Variants in GALNT17 observed in about 807,000 individuals in gnomAD.
The protein encoded by GALNT17 is polypeptide N-acetylgalactosaminyltransferase 17.
A neutral mutation model predicts 63.7 loss-of-function variants in GALNT17; 29 were observed. The ratio of observed to expected loss-of-function variants is 0.46; its 90% CI spans 0.34 to 0.62. GALNT17 has a LOEUF of 0.62. Among genes scored for constraint, GALNT17 ranks in the 20% least tolerant of loss-of-function variants. The pLI, the probability that GALNT17 is intolerant of heterozygous loss-of-function variation, is 0.01. For synonymous variants in GALNT17, 305 were observed against 318.3 expected (o/e 0.96, Z 0.45); for missense variants, 603 against 799.6 (o/e 0.75, Z 2.97).
intron 9 of GALNT17, among the ~76,000 whole-genome samples, chr7:71,685,916 T>G (rs1791347629): frequency 1.1e-3 from 3 of 2,612 alleles, no homozygotes; most frequent in South Asian, 0.2. Flanking sequence ...GTTCTTGGGT[T>G]TTTTTTTTTT....
At chr7:71,217,462 C>G (rs186310878) in intron 1 of GALNT17, among the ~76,000 whole-genome samples, 2 of 152,184 alleles carry the variant, frequency 1.3e-5, no homozygotes. Context: ...ATTTTCTTCT[C>G]TTAATCAGAC....
intron 5 of GALNT17, among the ~76,000 whole-genome samples, chr7:71,440,431 A>G (rs973952475): frequency 5.4e-5 from 8 of 147,088 alleles, no homozygotes; most frequent in African/African-American, 7.6e-5. Flanking sequence ...CTAGAGTGCA[A>G]TGGCACGATC....
At chr7:71,526,109 C>T (rs780274805) in intron 5 of GALNT17, among the ~76,000 whole-genome samples, 1 of 152,136 alleles carries the variant, frequency 6.6e-6, no homozygotes, top group Non-Finnish European at 1.5e-5. Context: ...TTAGACTTAA[C>T]TGTTAGAGAT....
At chr7:71,578,357 C>T (rs1221164967) in intron 6 of GALNT17, among the ~76,000 whole-genome samples, 1 of 151,968 alleles carries the variant, frequency 6.6e-6, no homozygotes, top group Non-Finnish European at 1.5e-5. Flanking sequence ...TATATATAGA[C>T]AAATTCTCAC....
At chr7:71,669,136 G>A (rs1392107383) in intron 7 of GALNT17, among the ~76,000 whole-genome samples, 45 of 152,244 alleles carry the variant, frequency 3.0e-4, no homozygotes, top group Non-Finnish European at 1.5e-5. Flanking sequence ...GACCTGTCTG[G>A]GACCTTTATT....
chr7:71,644,156 A>G (rs1790641514), intron 6 of GALNT17, among the ~76,000 whole-genome samples: 1 of 152,090 alleles, frequency 6.6e-6, no homozygotes, highest in Non-Finnish European at 1.5e-5. Flanking sequence ...TAATCCCAGC[A>G]CTTTGAGAAG....
intron 2 of GALNT17, among the ~76,000 whole-genome samples, chr7:71,344,557 C>CT (rs1011104046): frequency 2.0e-5 from 3 of 151,682 alleles, no homozygotes; most frequent in Admixed American, 6.6e-5. Flanking sequence ...ATTATAATTT[C>CT]TTTTTTTTAA....
rs183239625 is a variant in GALNT17 at position 71,609,904 on chromosome 7, G to A, written c.1080+38502G>A. ...TAGCTGATGTGAAAAGTATAATTAGGCTCAATCGATAAATATTTATTCATC... is the reference window on the plus strand; with the variant it reads ...TAGCTGATGTGAAAAGTATAATTAGACTCAATCGATAAATATTTATTCATC... On this transcript the variant is annotated intron_variant, in intron 6 of 10. Coordinates refer to ENST00000333538, the MANE Select transcript of GALNT17 (RefSeq NM_022479.3). Among the ~76,000 whole-genome samples, 261 of 152,056 alleles carry A rather than the reference G, an allele frequency of 1.7e-3. 1 individual carries two copies. The highest frequency in any genetic ancestry group is 6.1e-3 in the African/African-American group (255 of 41,498).
At chr7:71,496,249 A>G (rs552080545) in intron 5 of GALNT17, among the ~76,000 whole-genome samples, 25 of 152,170 alleles carry the variant, frequency 1.6e-4, no homozygotes, top group Admixed American at 1.1e-3. Flanking sequence ...GATCAAGGGA[A>G]TCCCCAGGTG....
At chr7:71,703,766 TGAAA>T (rs1452002579) in intron 9 of GALNT17, among the ~76,000 whole-genome samples, 1 of 151,814 alleles carries the variant, frequency 6.6e-6, no homozygotes, top group Non-Finnish European at 1.5e-5. Context: ...ATTGAAGAAA[TGAAA>T]GAAAGGAGTG....
chr7:71,208,494 AG>A (rs1050966107), intron 1 of GALNT17, among the ~76,000 whole-genome samples: 1 of 136,588 alleles, frequency 7.3e-6, no homozygotes, highest in African/African-American at 2.8e-5. Flanking sequence ...TCTGTTGCCC[AG>A]GCTGGTGTGC....
At chr7:71,398,965 G>T (rs1793188600) in intron 3 of GALNT17, among the ~76,000 whole-genome samples, 1 of 152,186 alleles carries the variant, frequency 6.6e-6, no homozygotes, top group Non-Finnish European at 1.5e-5. Flanking sequence ...GGACGTGGTG[G>T]CTCACGCCTG....
intron 5 of GALNT17, among the ~76,000 whole-genome samples, chr7:71,459,588 GAC>G (rs1787416149): frequency 6.6e-6 from 1 of 152,168 alleles, no homozygotes; most frequent in African/African-American, 2.4e-5. Context: ...TTTCCAGTCT[GAC>G]TCTGGCATAA....
intron 6 of GALNT17, among the ~76,000 whole-genome samples, chr7:71,645,016 G>C (rs1448291377): frequency 6.6e-6 from 1 of 152,156 alleles, no homozygotes; most frequent in South Asian, 2.1e-4. Flanking sequence ...GAAAAAAGAG[G>C]ATGGAGAATG....
intron 1 of GALNT17, among the ~76,000 whole-genome samples, chr7:71,275,242 A>T (rs1198756845): frequency 6.6e-6 from 1 of 152,136 alleles, no homozygotes; most frequent in Non-Finnish European, 1.5e-5. Context: ...CCTTACGTTA[A>T]TAAATGCAGC....
chr7:71,504,389 CAATAAATAAATA>C (rs201531403), intron 5 of GALNT17, among the ~76,000 whole-genome samples: 1 of 150,824 alleles, frequency 6.6e-6, no homozygotes, highest in African/African-American at 2.4e-5. Context: ...GACTCCGTCT[CAATAAATAAATA>C]AATAAATAAA....
intron 1 of GALNT17, among the ~76,000 whole-genome samples, chr7:71,208,957 TCTC>T (rs1789325214): frequency 6.6e-6 from 1 of 152,212 alleles, no homozygotes; most frequent in East Asian, 1.9e-4. Context: ...TTGGCAGACT[TCTC>T]CTGAAACAGG....
chr7:71,616,937 C>CATATTAAGAATATATAATTCTTATAAG (rs1042041008), intron 6 of GALNT17, among the ~76,000 whole-genome samples: 6 of 8,594 alleles, frequency 7.0e-4, no homozygotes, highest in Non-Finnish European at 1.4e-3. Flanking sequence ...ATTATTATAT[C>CATATTAAGAATATATAATTCTTATAAG]ATATGGTTAA....
chr7:71,660,312 G>A (rs1160231569), intron 6 of GALNT17, among the ~76,000 whole-genome samples: 1 of 152,120 alleles, frequency 6.6e-6, no homozygotes, highest in Non-Finnish European at 1.5e-5. Flanking sequence ...CTTGGAGCGT[G>A]CCCTCCTCCT....
Sources: gnomAD v4.1 joint callset for allele counts (sites outside exome capture counted in the v4.1 genomes callset) on GRCh38, gnomAD v4.1.1 for gene constraint, MANE v1.5 for transcripts, NCBI Gene and HGNC (gene_info 2026-07-23, HGNC 2026-07-21) for gene names.